Variants in MAPRE2 observed in about 807,000 individuals in gnomAD.
MAPRE2 encodes the protein microtubule associated protein RP/EB family member 2, also known as microtubule-associated protein RP/EB family member 2.
A neutral mutation model predicts 43.2 loss-of-function variants in MAPRE2; 13 were observed. The ratio of observed to expected loss-of-function variants is 0.30; its 90% confidence interval spans 0.20 to 0.48. The LOEUF is 0.48. MAPRE2 is among the 20% of genes least tolerant of loss of function. The pLI is 0.99. For synonymous variants in MAPRE2, 135 were observed against 148.8 expected (o/e 0.91, Z 0.68); for missense variants, 161 against 400.2 (o/e 0.40, Z 5.10).
At chr18:35,009,760 G>A (rs768991794) in intron 2 of MAPRE2, among the ~76,000 whole-genome samples, 1 of 152,148 alleles carries the variant, frequency 6.6e-6, no homozygotes, top group East Asian at 1.9e-4. Flanking sequence ...AAAATTGTGG[G>A]TTTCATTTGT....
chr18:35,084,655 A>T (rs1907788388), intron 2 of MAPRE2, among the ~76,000 whole-genome samples: 1 of 152,258 alleles, frequency 6.6e-6, no homozygotes. Flanking sequence ...TTCAGTTCAC[A>T]TAAGCCGCCT....
intron 4 of MAPRE2, among the ~76,000 whole-genome samples, chr18:35,113,459 T>C (rs1418305539): frequency 1.3e-5 from 2 of 151,870 alleles, no homozygotes; most frequent in Non-Finnish European, 1.5e-5. Flanking sequence ...AGTATGTACA[T>C]TGTTTTTTAA....
In MAPRE2 at chr18:34,998,717, C is replaced by A. The variant is rs185079247; in HGVS notation, c.-69-6775C>A. On this transcript the variant is annotated intron_variant, in intron 1 of 7. Transcript: ENST00000413393. ...ACCTCAGGGGATCTGTCCAACTTGG[C>A]CTCTGAAAGTGCTGGGATTACAGGC... Among the ~76,000 whole-genome samples the A allele has an allele frequency of 7.7e-3, 1,150 of 149,808 alleles. 13 individuals carry two copies. The highest frequency in any genetic ancestry group is 0.014 in the Admixed American group (214 of 14,974).
intron 4 of MAPRE2, among the ~76,000 whole-genome samples, chr18:35,117,615 C>T (rs759795824): frequency 6.6e-5 from 10 of 152,202 alleles, no homozygotes; most frequent in African/African-American, 2.4e-4. Context: ...GTGCTGGGCT[C>T]TGTCACCATC....
intron 2 of MAPRE2, among the ~76,000 whole-genome samples, chr18:35,085,173 G>A (rs531722785): frequency 6.6e-6 from 1 of 152,294 alleles, no homozygotes; most frequent in South Asian, 2.1e-4. Flanking sequence ...ATTTCTGTAG[G>A]TAGAGAGATT....
intron 1 of MAPRE2, among the ~76,000 whole-genome samples, chr18:34,982,009 C>T (rs1452624917): frequency 1.3e-5 from 2 of 151,518 alleles, no homozygotes; most frequent in East Asian, 1.9e-4. Flanking sequence ...CTCAGCCTCC[C>T]GAGTAGCTGG....
At position 35,058,080 on chromosome 18, in the gene MAPRE2, A is replaced by G. The variant is rs191392716; in HGVS notation, c.123-12115A>G. ...CTTGCCAACTGAACCCAAGGAGTTAAGTTTAATGTTGTGCTATTTCCCAGT... is the reference window on the plus strand; with the variant it reads ...CTTGCCAACTGAACCCAAGGAGTTAGGTTTAATGTTGTGCTATTTCCCAGT... On this transcript the variant is annotated intron_variant, in intron 1 of 6. Transcript: ENST00000300249. Among the ~76,000 whole-genome samples, 12 of 152,316 alleles carry G rather than the reference A, an allele frequency of 7.9e-5. No individual in the cohort carries two copies. The East Asian group carries it at 2.3e-3, about 29-fold the overall frequency.
At chr18:35,128,870 G>A (rs930158662) in intron 5 of MAPRE2, among the ~76,000 whole-genome samples, 4 of 152,018 alleles carry the variant, frequency 2.6e-5, no homozygotes, top group Admixed American at 6.6e-5. Flanking sequence ...GTTCTCTCCC[G>A]CTTATAGCCT....
intron 1 of MAPRE2, among the ~76,000 whole-genome samples, chr18:35,059,412 G>A (rs1024434086): frequency 3.3e-5 from 5 of 151,980 alleles, no homozygotes; most frequent in Non-Finnish European, 7.4e-5. Context: ...CTAGGGGCAC[G>A]TATTGATATT....
chr18:35,036,796 A>G (rs141882921), upstream of MAPRE2, among the ~76,000 whole-genome samples: 633 of 152,340 alleles, frequency 4.2e-3, 3 homozygotes, highest in Non-Finnish European at 7.3e-3. Context: ...TATTTGTTGA[A>G]TAAATGAATT....
chr18:34,997,720 G>A (rs2097027233), intron 1 of MAPRE2, among the ~76,000 whole-genome samples: 1 of 152,232 alleles, frequency 6.6e-6, no homozygotes, highest in Admixed American at 6.5e-5. Flanking sequence ...GGAGGCTGAG[G>A]CAGGAGAATC....
chr18:34,981,878 T>A (rs1056410969), intron 1 of MAPRE2, among the ~76,000 whole-genome samples: 5 of 36,898 alleles, frequency 1.4e-4, no homozygotes, highest in Admixed American at 3.3e-4. Flanking sequence ...TTTTTTTTTA[T>A]TTTTATTTAT....
intron 1 of MAPRE2, among the ~76,000 whole-genome samples, chr18:34,989,672 C>G (rs140470857): frequency 6.6e-6 from 1 of 151,904 alleles, no homozygotes; most frequent in East Asian, 1.9e-4. Flanking sequence ...GATCACGCTA[C>G]TGCACTACAG....
At position 35,138,601 on chromosome 18, in the gene MAPRE2, T is replaced by G. The variant is rs555209610; in HGVS notation, c.910-1694T>G. Among the ~76,000 whole-genome samples the G allele has an allele frequency of 2.0e-5, 3 of 152,350 alleles. No individual in the cohort carries two copies. The South Asian group carries it at 6.2e-4, about 32-fold the overall frequency. Reference sequence around the variant, plus strand: ...AATAATCACAGCTCACATTTCTATTTACCATGTGCCAAATACTCTTCTAGG... The same window carrying G: ...AATAATCACAGCTCACATTTCTATTGACCATGTGCCAAATACTCTTCTAGG... On this transcript the variant is annotated intron_variant, in intron 6 of 6. Coordinates refer to ENST00000300249, the MANE Select transcript of MAPRE2 (RefSeq NM_014268.4).
At position 35,035,074 on chromosome 18, in the gene MAPRE2, G is replaced by A. The variant is rs2097049801; in HGVS notation, c.-8+29521G>A. ...AGACACATGCACACGTATGTTTATT[G>A]CGGCACTATTCACTATAGCAAAGAC... is the stretch of plus-strand genomic sequence containing the variant. On this transcript the variant is annotated intron_variant, in intron 2 of 7. Coordinates refer to the MAPRE2 transcript ENST00000413393. Among the ~76,000 whole-genome samples the A allele has an allele frequency of 3.3e-5, 5 of 152,094 alleles. No homozygotes were observed. The South Asian group carries it at 1.0e-3, about 32-fold the overall frequency.
chr18:35,021,747 A>G (rs968943515), intron 2 of MAPRE2, among the ~76,000 whole-genome samples: 1 of 152,196 alleles, frequency 6.6e-6, no homozygotes, highest in Non-Finnish European at 1.5e-5. Flanking sequence ...AAAGTATTAG[A>G]GAAATAGAAG....
At chr18:35,047,806 A>C (rs1905711806) in intron 1 of MAPRE2, among the ~76,000 whole-genome samples, 1 of 152,046 alleles carries the variant, frequency 6.6e-6, no homozygotes, top group Admixed American at 6.6e-5. Flanking sequence ...AGAGTTTCTT[A>C]AAGAATTACT....
chr18:35,017,244 G>GTTTTTTTTTTTTTTTTTT (rs140257488), intron 2 of MAPRE2, among the ~76,000 whole-genome samples: 1 of 126,280 alleles, frequency 7.9e-6, no homozygotes. Context: ...CGGTTTTGTT[G>GTTTTTTTTTTTTTTTTTT]TTTTTTTTTT....
At chr18:35,126,806 A>T (rs1201276687) in intron 4 of MAPRE2, 142 bp from the exon 5 acceptor site, 2 of 705,712 alleles carry the variant, frequency 2.8e-6, no homozygotes, top group East Asian at 5.5e-5. Flanking sequence ...TGAAATATTT[A>T]TACTCCTTCT....
Sources: allele counts gnomAD v4.1 joint callset (sites outside exome capture counted in the v4.1 genomes callset), GRCh38; gene constraint gnomAD v4.1.1; transcripts MANE v1.5; gene names NCBI Gene and HGNC (gene_info 2026-07-23, HGNC 2026-07-21).